The following HAO2 variants were observed in gnomAD, a reference collection of about 807,000 sequenced individuals.
HAO2 encodes the protein hydroxyacid oxidase 2, also known as 2-Hydroxyacid oxidase 2.
In HAO2, 42 loss-of-function variants were observed where a neutral mutation model predicts 37.4. That is an observed-to-expected ratio of 1.12 (90% confidence interval 0.88 to 1.45). The LOEUF is 1.45. Among genes scored for constraint, HAO2 ranks in the 40% most tolerant of loss-of-function variants. The pLI is 0.00. For missense variants in HAO2, 476 were observed against 430.2 expected (o/e 1.11, Z -0.94); for synonymous variants, 180 against 162.8 (o/e 1.11, Z -0.81).
chr1:119,373,520 T>A (rs1361210059), intron 1 of HAO2, among the ~76,000 whole-genome samples: 2 of 152,182 alleles, frequency 1.3e-5, no homozygotes, highest in Non-Finnish European at 2.9e-5. Flanking sequence ...TCTCATAGTC[T>A]TCCAATCCTC....
intron 1 of HAO2, among the ~76,000 whole-genome samples, chr1:119,380,315 T>C (rs1000940852): frequency 1.3e-5 from 2 of 152,152 alleles, no homozygotes; most frequent in African/African-American, 4.8e-5. Context: ...TTTATAGGGC[T>C]CAAATTGAAG....
intron 4 of HAO2, among the ~76,000 whole-genome samples, 156 bp from the exon 5 acceptor site, chr1:119,386,466 A>T (rs964608658): frequency 5.9e-5 from 9 of 152,048 alleles, no homozygotes; most frequent in African/African-American, 2.2e-4. Context: ...TCAGCCCCAC[A>T]AAGTGCTGGG....
chr1:119,381,198 A>G lies in HAO2; in HGVS notation c.113A>G (p.Asn38Ser). 2 of 1,611,740 alleles carry G rather than the reference A, an allele frequency of 1.2e-6. No individual in the cohort carries two copies. The highest frequency in any genetic ancestry group is 1.7e-6 in the Non-Finnish European group (2 of 1,177,868). Residue 38 changes from asparagine (N) to serine (S), a missense_variant, in exon 2 of 8, where the codon AAC (asparagine) becomes AGC (serine). Physicochemically the swap from Asn to Ser is conservative, Grantham distance 46. Coordinates refer to ENST00000325945, the MANE Select transcript of HAO2 (RefSeq NM_016527.4). Reference protein sequence around the residue: ...GADDSITRDDNIAAFKRIRLR... With the variant: ...GADDSITRDDSIAAFKRIRLR... Reference sequence around the variant, plus strand: ...GATGACAGCATCACGCGGGATGACAACATTGCAGCATTTAAAAGGTGTGGT... The same window carrying G: ...GATGACAGCATCACGCGGGATGACAGCATTGCAGCATTTAAAAGGTGTGGT...
chr1:119,380,392 G>A (rs973129367), intron 1 of HAO2: 5 of 353,750 alleles, frequency 1.4e-5, no homozygotes, highest in African/African-American at 1.1e-4. Context: ...TAGGAAAAAG[G>A]TAGATGGTGA....
chr1:119,378,264 C>T (rs1649639951), intron 1 of HAO2, among the ~76,000 whole-genome samples: 1 of 152,022 alleles, frequency 6.6e-6, no homozygotes, highest in African/African-American at 2.4e-5. Flanking sequence ...TAAATAAACC[C>T]ATCAGATCTC....
chr1:119,394,058 A>G lies in HAO2; in HGVS notation c.*218A>G. On this transcript the variant is annotated 3_prime_UTR_variant, in exon 8 of 8. Transcript: ENST00000325945. ...GCCCTTCTTTGTATCACTGACTATT[A>G]TATGTTGCTCTCTTGCCTAAATCTT... The G allele has an allele frequency of 7.4e-7, 1 of 1,356,812 alleles. No individual in the cohort carries two copies. The highest frequency in any genetic ancestry group is 2.9e-5 in the East Asian group (1 of 35,016). The allele number at this position is 1,356,812 out of a possible 1,614,324, so 84.0% of individuals were successfully genotyped here.
chr1:119,391,077 C>T (rs147705831), intron 5 of HAO2, among the ~76,000 whole-genome samples: 2 of 152,212 alleles, frequency 1.3e-5, no homozygotes, highest in East Asian at 3.9e-4. Context: ...AAGTTCAAAA[C>T]ATATTCAATT....
intron 2 of HAO2, among the ~76,000 whole-genome samples, chr1:119,381,587 A>G (rs587606412): frequency 1.3e-5 from 2 of 152,258 alleles, no homozygotes; most frequent in South Asian, 4.1e-4. Flanking sequence ...AAAATGGAAG[A>G]CAGGAGAGAA....
Position 119,381,219 on chromosome 1 carries a change from G to A in HAO2, c.131+3G>A, listed in dbSNP as rs777445099. ...GACAACATTGCAGCATTTAAAAGGT[G>A]TGGTCTTCTGTAGCCTGTCTATTGT... On this transcript the variant is annotated splice_donor_region_variant and intron_variant, in intron 2 of 7. Coordinates refer to ENST00000325945, the MANE Select transcript of HAO2 (RefSeq NM_016527.4). 4 of 1,605,218 alleles carry A rather than the reference G, an allele frequency of 2.5e-6. No homozygotes were observed. The Admixed American group carries it at 6.7e-5, about 27-fold the overall frequency.
rs903528244 is a variant in HAO2 at position 119,386,776 on chromosome 1, A to T, written c.716A>T (p.Gln239Leu). ...DAELAVKHNV[Q>L]GIIVSNHGGR... is the part of the protein sequence containing the mutation. Reference sequence around the variant, plus strand: ...GAGTTAGCTGTGAAGCACAATGTCCAGGGTATCATTGTTTCCAACCATGGT... The same window carrying T: ...GAGTTAGCTGTGAAGCACAATGTCCTGGGTATCATTGTTTCCAACCATGGT... Residue 239 changes from glutamine to leucine, a missense_variant, in exon 5 of 8, where the codon CAG becomes CTG. Physicochemically the swap from Gln to Leu is moderately radical, Grantham distance 113 (BLOSUM62 -2). Transcript: ENST00000325945. 3.7e-6 allele frequency: 6 copies of T among 1,613,552 alleles called. No individual in the cohort carries two copies. Among genetic ancestry groups the T allele is most frequent in the Non-Finnish European group, 4.2e-6 (5 of 1,179,600 alleles).
At chr1:119,392,564 T>TACA in intron 6 of HAO2, 54 bp from the exon 7 acceptor site, 1 of 1,152,616 alleles carries the variant, frequency 8.7e-7, no homozygotes, top group African/African-American at 1.5e-5. Context: ...TAGTGGATGG[T>TACA]CAGAATGTTC....
intron 7 of HAO2, 141 bp downstream of exon 7, chr1:119,392,828 A>G (rs1651021330): frequency 1.4e-6 from 1 of 690,266 alleles, no homozygotes; most frequent in Non-Finnish European, 2.7e-6. Flanking sequence ...TTTCAAGACA[A>G]AGATTAAGCA....
Position 119,385,016 on chromosome 1 carries a change from G to A in HAO2, c.524G>A (p.Arg175Lys), listed in dbSNP as rs1300538050. The change falls in exon 4 of 8, where the codon AGG becomes AAG. Residue 175 changes from arginine (R) to lysine (K), a missense_variant. Transcript: ENST00000325945. ...CATGACATTCGAAACCAGTTGAGGA[G>A]GAACTTAACACTAACAGATCTTCAA... ...RRHDIRNQLRRNLTLTDLQSP... is the reference protein window; with the variant it reads ...RRHDIRNQLRKNLTLTDLQSP... 2.5e-6 allele frequency: 4 copies of A among 1,613,626 alleles called. No individual in the cohort carries two copies. The East Asian group carries it at 8.9e-5, about 36-fold the overall frequency.
chr1:119,380,805 A>G lies in HAO2; in HGVS notation c.-8-273A>G. ...CAACTAGGTCTAAGGTGGTGTGTGT[A>G]CAGTGGAGGAGAAGATATAAGAAAT... On this transcript the variant is annotated intron_variant, in intron 1 of 7. Coordinates refer to ENST00000325945, the MANE Select transcript of HAO2 (RefSeq NM_016527.4). 5.7e-6 allele frequency: 5 copies of G among 876,440 alleles called. 1 individual carries two copies. The South Asian group carries it at 7.2e-5, about 13-fold the overall frequency. 54.3% of individuals were successfully genotyped at this position (876,440 alleles called of 1,614,324 possible). A position where few individuals can be genotyped will look rare whatever the true frequency, so the allele number is the denominator to read the frequency against.
Position 119,384,803 on chromosome 1 carries a change from T to C in HAO2, c.311T>C (p.Ile104Thr). 1.9e-6 allele frequency: 3 copies of C among 1,613,896 alleles called. No homozygotes were observed. The South Asian group carries it at 3.3e-5, about 18-fold the overall frequency. The change falls in exon 4 of 8, where the codon ATC becomes ACC. Residue 104 changes from isoleucine to threonine, a missense_variant. Coordinates refer to ENST00000325945, the MANE Select transcript of HAO2 (RefSeq NM_016527.4). ...RAAQAAGICYITSTFASCSLE... is the reference protein window; with the variant it reads ...RAAQAAGICYTTSTFASCSLE... Reference sequence around the variant, plus strand: ...GCCCAAGCGGCTGGTATCTGCTACATCACCAGCACATTTGCCAGCTGTAGC... The same window carrying C: ...GCCCAAGCGGCTGGTATCTGCTACACCACCAGCACATTTGCCAGCTGTAGC...
chr1:119,389,096 G>A (rs77203121), intron 5 of HAO2, among the ~76,000 whole-genome samples: 5,379 of 94,306 alleles, frequency 0.057, 349 homozygotes, highest in East Asian at 0.25. Context: ...TGCTGCGAAT[G>A]CCATTAATTC....
At chr1:119,375,291 A>G (rs1649358268) in intron 1 of HAO2, among the ~76,000 whole-genome samples, 1 of 152,182 alleles carries the variant, frequency 6.6e-6, no homozygotes, top group Admixed American at 6.6e-5. Context: ...AAGAAAGTAT[A>G]TACAAATATA....
chr1:119,384,723 C>A, intron 3 of HAO2, 53 bp from the exon 4 acceptor site: 5 of 1,524,982 alleles, frequency 3.3e-6, no homozygotes, highest in South Asian at 1.2e-5. Context: ...AGGTTTTCAG[C>A]CCAGTCCAGA....
chr1:119,384,507 G>C (rs587682304), intron 3 of HAO2, among the ~76,000 whole-genome samples: 1 of 152,318 alleles, frequency 6.6e-6, no homozygotes, highest in Admixed American at 6.5e-5. Flanking sequence ...CATGATTCTG[G>C]AGATTGCATG....
Sources: allele counts gnomAD v4.1 joint callset (sites outside exome capture counted in the v4.1 genomes callset), GRCh38; gene constraint gnomAD v4.1.1; transcripts MANE v1.5; gene names NCBI Gene and HGNC (gene_info 2026-07-23, HGNC 2026-07-21).